SLC14A2: variants seen among roughly 807,000 people sequenced by gnomAD.
SLC14A2 encodes the protein urea transporter 2.
In SLC14A2, 91 loss-of-function variants were observed where a neutral mutation model predicts 104.6. That is an observed-to-expected ratio of 0.87 (90% CI 0.73 to 1.04). The LOEUF (loss-of-function observed/expected upper bound fraction) is 1.04, where lower values mean the gene tolerates loss of function less well. Among genes scored for constraint, SLC14A2 ranks in the 50% least tolerant of loss-of-function variants. The probability of loss-of-function intolerance (pLI) is 0.00; values close to 1 mark genes in which losing one functional copy is unlikely to be tolerated. For missense variants in SLC14A2, 1,189 were observed against 1,156.0 expected, an observed-to-expected ratio of 1.03 and a Z score of -0.41; for synonymous variants, 476 against 466.4, an observed-to-expected ratio of 1.02 and a Z score of -0.27.
chr18:45,459,304 G>A (rs765850738), intron 1 of SLC14A2, among the ~76,000 whole-genome samples: 4 of 152,222 alleles, frequency 2.6e-5, no homozygotes, highest in Non-Finnish European at 4.4e-5. Context: ...GACATTTGCT[G>A]AGCTCCATCT....
intron 1 of SLC14A2, among the ~76,000 whole-genome samples, chr18:45,418,887 G>T (rs761440756): frequency 8.5e-5 from 13 of 152,166 alleles, no homozygotes; most frequent in Admixed American, 2.0e-4. Flanking sequence ...TTGAAGTGCA[G>T]TGTCAGAGGA....
intron 1 of SLC14A2, among the ~76,000 whole-genome samples, chr18:45,467,814 C>T (rs1476266443): frequency 1.3e-5 from 2 of 152,084 alleles, no homozygotes; most frequent in African/African-American, 2.4e-5. Flanking sequence ...AAAAGTGATA[C>T]ATATAACGTA....
chr18:45,567,055 AGTGTGTGTGT>A (rs3058364), intron 2 of SLC14A2, among the ~76,000 whole-genome samples: 1,829 of 139,852 alleles, frequency 0.013, 16 homozygotes, highest in African/African-American at 0.031. Flanking sequence ...ATGTGCACAT[AGTGTGTGTGT>A]GTGTGTGTGT....
At chr18:45,482,737 T>A (rs2087519337) in intron 1 of SLC14A2, 1 of 152,116 alleles carries the variant, frequency 6.6e-6, no homozygotes, top group African/African-American at 2.4e-5. Context: ...CCCAACACTG[T>A]GATATTCAAT....
At chr18:45,477,591 C>A (rs1027100163) in intron 1 of SLC14A2, among the ~76,000 whole-genome samples, 45 of 152,326 alleles carry the variant, frequency 3.0e-4, no homozygotes, top group African/African-American at 9.6e-4. Context: ...ACAGCCACCC[C>A]TTCCCCCAGG....
At chr18:45,595,834 T>C (rs2044712536) in intron 2 of SLC14A2, among the ~76,000 whole-genome samples, 1 of 152,186 alleles carries the variant, frequency 6.6e-6, no homozygotes. Flanking sequence ...TTGAACGTCC[T>C]TGTTCAACTC....
intron 1 of SLC14A2, among the ~76,000 whole-genome samples, chr18:45,258,240 C>T (rs1227975737): frequency 9.2e-6 from 1 of 109,018 alleles, no homozygotes; most frequent in Non-Finnish European, 1.9e-5. Context: ...ACACTGGGCT[C>T]CCATCCCTCC....
intron 2 of SLC14A2, among the ~76,000 whole-genome samples, chr18:45,519,774 C>A (rs958057035): frequency 6.6e-6 from 1 of 152,214 alleles, no homozygotes; most frequent in Admixed American, 6.5e-5. Flanking sequence ...TGCTGTTACT[C>A]CGGGATCTGC....
chr18:45,543,754 A>G (rs2043925082), intron 2 of SLC14A2, among the ~76,000 whole-genome samples: 1 of 152,238 alleles, frequency 6.6e-6, no homozygotes, highest in Non-Finnish European at 1.5e-5. Context: ...TCCCTACAAA[A>G]GCCTGTTGCA....
At chr18:45,176,243 C>A in the SLC14A2 span, among the ~76,000 whole-genome samples, 2 of 152,172 alleles carry the variant, frequency 1.3e-5, no homozygotes, top group Non-Finnish European at 2.9e-5. Flanking sequence ...TTCTCACAAC[C>A]ACAATATGTG....
At chr18:45,423,111 T>G (rs2086371693) in intron 1 of SLC14A2, among the ~76,000 whole-genome samples, 1 of 152,206 alleles carries the variant, frequency 6.6e-6, no homozygotes, top group Admixed American at 6.5e-5. Context: ...TTCCATTTAT[T>G]TTCACTCTCT....
At chr18:45,563,746 A>T (rs2044233318) in intron 2 of SLC14A2, among the ~76,000 whole-genome samples, 1 of 152,236 alleles carries the variant, frequency 6.6e-6, no homozygotes, top group African/African-American at 2.4e-5. Context: ...TATAGAGGGA[A>T]TACAAAGATA....
intron 1 of SLC14A2, among the ~76,000 whole-genome samples, chr18:45,297,895 G>C (rs568150230): frequency 1.3e-5 from 2 of 152,284 alleles, no homozygotes; most frequent in East Asian, 3.9e-4. Flanking sequence ...CTCTGAAGGA[G>C]AGACTTTACA....
the SLC14A2 span, among the ~76,000 whole-genome samples, chr18:45,205,426 C>T: frequency 1.3e-5 from 2 of 152,080 alleles, no homozygotes; most frequent in African/African-American, 4.8e-5. Flanking sequence ...TTATTAGAGT[C>T]GACTCTAAAT....
intron 1 of SLC14A2, among the ~76,000 whole-genome samples, chr18:45,397,082 T>C (rs550574406): frequency 6.6e-6 from 1 of 152,324 alleles, no homozygotes; most frequent in East Asian, 1.9e-4. Flanking sequence ...GGCATTTAGG[T>C]TGATTCTGTG....
At chr18:45,290,500 T>C (rs2084858651) in intron 1 of SLC14A2, among the ~76,000 whole-genome samples, 1 of 152,120 alleles carries the variant, frequency 6.6e-6, no homozygotes, top group African/African-American at 2.4e-5. Context: ...GGTTAGGAGA[T>C]GTGGGTTCTA....
At chr18:45,214,774 A>G (rs993083466) in intron 1 of SLC14A2, among the ~76,000 whole-genome samples, 9 of 152,116 alleles carry the variant, frequency 5.9e-5, no homozygotes, top group African/African-American at 2.2e-4. Context: ...TGTGTCTATA[A>G]CATGTCATCA....
chr18:45,248,476 C>G (rs114283967), intron 1 of SLC14A2, among the ~76,000 whole-genome samples: 2 of 152,016 alleles, frequency 1.3e-5, no homozygotes, highest in African/African-American at 2.4e-5. Context: ...CTGTTCCCCC[C>G]GAGATCTCAG....
intron 1 of SLC14A2, among the ~76,000 whole-genome samples, chr18:45,406,193 G>A (rs1264450023): frequency 6.6e-6 from 1 of 152,162 alleles, no homozygotes; most frequent in Non-Finnish European, 1.5e-5. Flanking sequence ...CTAAGTTTAT[G>A]AAATATTCTA....
Sources: gnomAD v4.1 joint callset for allele counts (sites outside exome capture counted in the v4.1 genomes callset) on GRCh38, gnomAD v4.1.1 for gene constraint, MANE v1.5 for transcripts, NCBI Gene and HGNC (gene_info 2026-07-23, HGNC 2026-07-21) for gene names.